COQ8B: variants seen among roughly 807,000 people sequenced by gnomAD.
The protein encoded by COQ8B is coenzyme Q8B, also known as atypical kinase COQ8B, mitochondrial.
A neutral mutation model predicts 62.0 loss-of-function variants in COQ8B; 44 were observed. That is an observed-to-expected ratio of 0.71 (90% CI 0.56 to 0.91). The LOEUF is 0.91. Among genes scored for constraint, COQ8B ranks in the 40% least tolerant of loss-of-function variants. The pLI is 0.00. For missense variants in COQ8B, 649 were observed against 731.6 expected, an observed-to-expected ratio of 0.89 and a Z score of 1.30; for synonymous variants, 252 against 289.9, an observed-to-expected ratio of 0.87 and a Z score of 1.33.
chr19:40,702,036 T>C (rs2082064619), intron 10 of COQ8B, among the ~76,000 whole-genome samples: 1 of 152,184 alleles, frequency 6.6e-6, no homozygotes, highest in Non-Finnish European at 1.5e-5. Context: ...TGGATATGGG[T>C]TGTTTCCAGT....
At chr19:40,712,291 G>T (rs1322240352) in intron 4 of COQ8B, among the ~76,000 whole-genome samples, 3 of 151,564 alleles carry the variant, frequency 2.0e-5, no homozygotes, top group Admixed American at 2.0e-4. Flanking sequence ...ACAGAAATTA[G>T]CGGTCAGGCA....
rs553846873 is a variant in COQ8B at position 40,692,941 on chromosome 19, G to A, written c.1296+10C>T. 2.5e-6 allele frequency: 4 copies of A among 1,613,298 alleles called. No homozygotes were observed. The highest frequency in any genetic ancestry group is 2.2e-5 in the South Asian group (2 of 91,060). ...GACACCAGCCCCTTTCTCCCCCAGT[G>A]TCTCCCCACCTTGGTTTCAAAGCCT... On this transcript the variant is annotated intron_variant, in intron 14 of 14. Coordinates refer to ENST00000324464, the MANE Select transcript of COQ8B (RefSeq NM_024876.4).
chr19:40,701,111 T>C (rs184929157), intron 10 of COQ8B: 228 of 152,414 alleles, frequency 1.5e-3, no homozygotes, highest in African/African-American at 5.1e-3. Context: ...GAGAATCGCT[T>C]GAGCCCAGGA....
chr19:40,698,615 T>C (rs2082037653), intron 12 of COQ8B, among the ~76,000 whole-genome samples: 2 of 151,554 alleles, frequency 1.3e-5, no homozygotes, highest in East Asian at 3.9e-4. Flanking sequence ...GGTAAACATA[T>C]CCCTGGGGTA....
chr19:40,692,854 C>T (rs1262572530), intron 14 of COQ8B, 97 bp downstream of exon 14: 2 of 1,040,476 alleles, frequency 1.9e-6, no homozygotes, highest in Non-Finnish European at 2.9e-6. Flanking sequence ...TATCGACATG[C>T]CCCATCACCT....
At chr19:40,708,051 CT>C (rs914372085) in intron 5 of COQ8B, 5 of 152,120 alleles carry the variant, frequency 3.3e-5, no homozygotes, top group African/African-American at 1.2e-4. Context: ...ATTTATTTTT[CT>C]TTTTTTAATA....
chr19:40,712,425 A>C (rs534272245), intron 4 of COQ8B, among the ~76,000 whole-genome samples: 128 of 151,598 alleles, frequency 8.4e-4, no homozygotes, highest in African/African-American at 2.6e-3. Context: ...AAAAAAAAAA[A>C]AAAACAACAA....
chr19:40,697,843 T>TAGAGAG (rs1406997268), intron 12 of COQ8B, among the ~76,000 whole-genome samples: 29 of 48,776 alleles, frequency 5.9e-4, no homozygotes, highest in East Asian at 2.9e-3. Context: ...TATATATATA[T>TAGAGAG]ATATATATAG....
intron 12 of COQ8B, 97 bp downstream of exon 12, chr19:40,699,970 G>T: frequency 2.6e-6 from 3 of 1,145,390 alleles, no homozygotes; most frequent in Non-Finnish European, 2.6e-6. Flanking sequence ...TGCCTATTGT[G>T]GGGGTAATCA....
At position 40,703,835 on chromosome 19, in the gene COQ8B, G is replaced by A. The variant is rs186764121; in HGVS notation, c.597C>T (p.Leu199=). Residue 199 remains leucine (L), a synonymous_variant, in exon 8 of 15, where the codon CTC becomes CTT. Transcript: ENST00000324464. Reference sequence around the variant, plus strand: ...CCACCTTGGCCTGCCAGTCCCTGCCGAGCTCCTCTTCAAGAACTCTCTGCG... The same window carrying A: ...CCACCTTGGCCTGCCAGTCCCTGCCAAGCTCCTCTTCAAGAACTCTCTGCG... ...WQMLRVLEEE[L]GRDWQAKVAS... 1.0e-4 allele frequency: 161 copies of A among 1,611,478 alleles called. No individual in the cohort carries two copies. The East Asian group carries it at 2.7e-3, about 27-fold the overall frequency.
rs574677972 is a variant in COQ8B, at chr19:40,696,588, C to G, written c.1144-534G>C. The stretch of plus-strand genomic sequence containing the variant: ...GCTGAGGCAGGAGAATGGCTTGAAC[C>G]TGGGAGGTGGAGGTTGCAGTGAGCC... On this transcript the variant is annotated intron_variant, in intron 12 of 14. Coordinates refer to ENST00000324464, the MANE Select transcript of COQ8B (RefSeq NM_024876.4). Among the ~76,000 whole-genome samples, 367 of 151,406 alleles carry G rather than the reference C, an allele frequency of 2.4e-3. 1 individual carries two copies. Among genetic ancestry groups the G allele is most frequent in the Non-Finnish European group, 4.4e-3 (301 of 67,894 alleles).
Position 40,697,874 on chromosome 19 carries a change from A to G in COQ8B, c.1144-1820T>C, listed in dbSNP as rs3890388. On this transcript the variant is annotated intron_variant, in intron 12 of 14. Transcript: ENST00000324464. The stretch of plus-strand genomic sequence containing the variant: ...TATAGAGAGAGAGAGAGAGAGAGAG[A>G]GAGTTTCTACTGGGCGTTCATGCAA... Among the ~76,000 whole-genome samples the G allele has an allele frequency of 3.1e-5, 3 of 97,004 alleles. 1 individual carries two copies. The East Asian group carries it at 8.5e-4, about 28-fold the overall frequency. The allele number at this position is 97,004 out of a possible 152,430, so 63.6% of individuals were successfully genotyped here.
At chr19:40,709,380 G>A (rs934727214) in intron 5 of COQ8B, among the ~76,000 whole-genome samples, 10 of 152,100 alleles carry the variant, frequency 6.6e-5, no homozygotes, top group African/African-American at 2.4e-4. Flanking sequence ...ACATTGACTT[G>A]TTGAGGGAAC....
At position 40,702,630 on chromosome 19, in the gene COQ8B, C is replaced by G. The variant is rs142018195; in HGVS notation, c.863G>C (p.Arg288Pro). Residue 288 changes from arginine (R) to proline (P), a missense_variant, in exon 10 of 15, where the codon CGT becomes CCT. By Grantham distance (103) the Arg-to-Pro change is moderately radical. Transcript: ENST00000324464. ...ATTCTGGGCACAAGCCGCCTCACGA[C>G]GGTAGTCACACTCCCAAGCCAGCTC... ...QQELAWECDYRREAACAQNFR... is the reference protein window; with the variant it reads ...QQELAWECDYPREAACAQNFR... 6 of 1,612,658 alleles carry G rather than the reference C, an allele frequency of 3.7e-6. No individual in the cohort carries two copies. Among genetic ancestry groups the G allele is most frequent in the Non-Finnish European group, 3.4e-6 (4 of 1,179,994 alleles).
At chr19:40,692,723 C>T (rs2081983450) in intron 14 of COQ8B, among the ~76,000 whole-genome samples, 1 of 151,972 alleles carries the variant, frequency 6.6e-6, no homozygotes, top group African/African-American at 2.4e-5. Flanking sequence ...CCCACTCCTC[C>T]CCAAAGCCCC....
intron 1 of COQ8B, chr19:40,714,995 G>T (rs2082174206): frequency 9.8e-7 from 1 of 1,020,022 alleles, no homozygotes; most frequent in African/African-American, 1.7e-5. Flanking sequence ...AATTCCTCCG[G>T]TGTCCCCCCG....
intron 10 of COQ8B, 126 bp from the exon 11 acceptor site, chr19:40,700,577 A>G: frequency 8.3e-7 from 1 of 1,205,340 alleles, no homozygotes; most frequent in South Asian, 1.5e-5. Flanking sequence ...CCTCCTGCCC[A>G]TCTCTTGCTG....
chr19:40,700,495 C>G (rs1410093878), intron 10 of COQ8B, 44 bp from the exon 11 acceptor site: 1 of 1,595,390 alleles, frequency 6.3e-7, no homozygotes, highest in South Asian at 1.1e-5. Context: ...GTGCTTCAGG[C>G]TTGTGACCCA....
intron 9 of COQ8B, among the ~76,000 whole-genome samples, 195 bp from the exon 10 acceptor site, chr19:40,702,888 C>T (rs2082071730): frequency 6.6e-6 from 1 of 152,050 alleles, no homozygotes; most frequent in Admixed American, 6.5e-5. Flanking sequence ...TGTCCCTCTC[C>T]TGTCTCCCCC....
Sources: gnomAD v4.1 joint callset for allele counts (sites outside exome capture counted in the v4.1 genomes callset) on GRCh38, gnomAD v4.1.1 for gene constraint, MANE v1.5 for transcripts, NCBI Gene and HGNC (gene_info 2026-07-23, HGNC 2026-07-21) for gene names.